ACSM3: variants seen among roughly 807,000 people sequenced by gnomAD.
The protein encoded by ACSM3 is acyl-CoA synthetase medium chain family member 3.
In ACSM3, 61 loss-of-function variants were observed where a neutral mutation model predicts 74.1. The observed-to-expected ratio is 0.82, with a 90% CI of 0.67 to 1.02. ACSM3 has a LOEUF of 1.02. Among genes scored for constraint, ACSM3 ranks in the 50% least tolerant of loss-of-function variants. The probability of loss-of-function intolerance (pLI) is 0.00; values close to 1 mark genes in which losing one functional copy is unlikely to be tolerated. For synonymous variants in ACSM3, 213 were observed against 241.5 expected, an observed-to-expected ratio of 0.88 and a Z score of 1.09; for missense variants, 660 against 697.0, an observed-to-expected ratio of 0.95 and a Z score of 0.60.
At chr16:20,681,940 T>A in intron 1 of ACSM3, 1 of 245,744 alleles carries the variant, frequency 4.1e-6, no homozygotes, top group Non-Finnish European at 8.1e-6. Flanking sequence ...ACTAGACAGA[T>A]AAACTCAAGT....
chr16:20,741,486 C>T (rs200623811), intron 1 of ACSM3: 4 of 187,728 alleles, frequency 2.1e-5, no homozygotes, highest in Non-Finnish European at 3.4e-5. Flanking sequence ...AGCCGGCCCG[C>T]CCGCCCACCC....
chr16:20,746,959 A>G (rs1049094395), intron 1 of ACSM3, among the ~76,000 whole-genome samples: 1 of 152,190 alleles, frequency 6.6e-6, no homozygotes, highest in African/African-American at 2.4e-5. Context: ...TACTCTAAAC[A>G]TACAAGTCTT....
chr16:20,761,134 G>A (rs757973859), upstream of ACSM3, among the ~76,000 whole-genome samples: 23 of 150,910 alleles, frequency 1.5e-4, no homozygotes, highest in Non-Finnish European at 2.9e-4. Flanking sequence ...TCACTCTGTC[G>A]CCCAGGCTGG....
intron 1 of ACSM3, among the ~76,000 whole-genome samples, chr16:20,684,985 G>T (rs2079519764): frequency 6.6e-6 from 1 of 152,130 alleles, no homozygotes; most frequent in Non-Finnish European, 1.5e-5. Context: ...AAGAAAGGAG[G>T]TACAGAGAAG....
intron 1 of ACSM3, chr16:20,682,050 G>A: frequency 1.9e-6 from 1 of 532,166 alleles, no homozygotes. Context: ...GCTTCCCCCT[G>A]CACAGATCTC....
intron 12 of ACSM3, 85 bp from the exon 13 acceptor site, chr16:20,796,285 T>C: frequency 6.5e-7 from 1 of 1,548,396 alleles, no homozygotes; most frequent in South Asian, 1.2e-5. Flanking sequence ...ACCAGGCATG[T>C]AGATTCTCAG....
intron 1 of ACSM3, chr16:20,741,443 C>T (rs1034359309): frequency 1.2e-5 from 18 of 1,465,746 alleles, no homozygotes; most frequent in Admixed American, 2.5e-5. Flanking sequence ...AGCAGCCATC[C>T]CTCCACCCTT....
intron 1 of ACSM3, among the ~76,000 whole-genome samples, chr16:20,764,344 A>G (rs936523732): frequency 1.3e-5 from 2 of 152,236 alleles, no homozygotes; most frequent in Admixed American, 6.5e-5. Flanking sequence ...GTAGCAGCTG[A>G]GTTTTCATGT....
chr16:20,710,273 T>C (rs1774589745), intron 1 of ACSM3, among the ~76,000 whole-genome samples: 1 of 152,118 alleles, frequency 6.6e-6, no homozygotes, highest in Admixed American at 6.5e-5. Flanking sequence ...ATTCCACCAA[T>C]GGGCACAACC....
At chr16:20,782,496 C>T (rs544979532) in intron 7 of ACSM3, among the ~76,000 whole-genome samples, 16 of 152,310 alleles carry the variant, frequency 1.1e-4, no homozygotes, top group African/African-American at 3.8e-4. Flanking sequence ...ACTATATTCA[C>T]AACACTCAAT....
chr16:20,762,536 A>G (rs570408366), upstream of ACSM3, among the ~76,000 whole-genome samples: 2 of 152,220 alleles, frequency 1.3e-5, no homozygotes, highest in Non-Finnish European at 2.9e-5. Context: ...AGACATAACT[A>G]TAGAATTCAG....
chr16:20,792,963 G>A (rs185718420), intron 12 of ACSM3, among the ~76,000 whole-genome samples: 445 of 152,300 alleles, frequency 2.9e-3, no homozygotes, highest in Admixed American at 4.9e-3. Context: ...TTCTCTAGCT[G>A]AGTTACAAGT....
chr16:20,728,930 G>A (rs1194706485), intron 1 of ACSM3, among the ~76,000 whole-genome samples: 1 of 152,016 alleles, frequency 6.6e-6, no homozygotes, highest in Non-Finnish European at 1.5e-5. Context: ...AACATAGTGA[G>A]ACCCCGTCTC....
Position 20,780,903 on chromosome 16 carries a change from A to T in ACSM3, c.782+46A>T, listed in dbSNP as rs770930975. 2.5e-6 allele frequency: 4 copies of T among 1,613,584 alleles called. No homozygotes were observed. In the Admixed American group the frequency reaches 6.7e-5, roughly 27 times the overall value. The stretch of plus-strand genomic sequence containing the variant: ...AGCTTGAAGTGTCAAAACTGCAAAG[A>T]TGATGACTTATGTACTGGTCTTTTA... On this transcript the variant is annotated intron_variant, in intron 5 of 13. Transcript: ENST00000289416.
In ACSM3 at chr16:20,755,627, T is replaced by TTTATTATTATTATTATTA. The variant is rs71149182; in HGVS notation, c.-52+19_-52+36dup. 7.0e-3 allele frequency: 1,018 copies of TTTATTATTATTATTATTA among 146,110 alleles called. 13 individuals carry two copies. Among genetic ancestry groups the TTTATTATTATTATTATTA allele is most frequent in the African/African-American group, 0.024 (962 of 39,720 alleles). 9.1% of individuals were successfully genotyped at this position (146,110 alleles called of 1,614,324 possible). A position where few individuals can be genotyped will look rare whatever the true frequency, so the allele number is the denominator to read the frequency against. On this transcript the variant is annotated intron_variant, in intron 3 of 3. Coordinates refer to the ACSM3 transcript ENST00000561584. ...GGAATTTCTGAAGTGGTAAGTGCTT[T>TTTATTATTATTATTATTA]TTATTATTATTATTATTATTATTAT...
At chr16:20,750,497 A>C (rs2079981429) in intron 2 of ACSM3, among the ~76,000 whole-genome samples, 1 of 152,132 alleles carries the variant, frequency 6.6e-6, no homozygotes, top group Non-Finnish European at 1.5e-5. Flanking sequence ...CTTGTCAGCT[A>C]TCTGATTTCA....
chr16:20,695,850 T>C (rs931145527), intron 1 of ACSM3, among the ~76,000 whole-genome samples: 2 of 152,198 alleles, frequency 1.3e-5, no homozygotes, highest in Non-Finnish European at 2.9e-5. Flanking sequence ...TATTTACATT[T>C]ATACCTATAT....
intron 1 of ACSM3, chr16:20,727,397 G>A (rs1332089515): frequency 1.8e-5 from 10 of 565,550 alleles, no homozygotes; most frequent in Admixed American, 4.0e-5. Context: ...CCCTCACCCC[G>A]GAGGTGCTGG....
At chr16:20,748,142 AATAAATAAATAAATAAATAGATAG>A (rs2079965798) in intron 1 of ACSM3, among the ~76,000 whole-genome samples, 1 of 25,468 alleles carries the variant, frequency 3.9e-5, no homozygotes, top group Non-Finnish European at 1.8e-4. Flanking sequence ...TGTCTCAAAA[AATAAATAAATAAATAAATAGATAG>A]ATAAATAAAT....
Sources: allele counts gnomAD v4.1 joint callset (sites outside exome capture counted in the v4.1 genomes callset), GRCh38; gene constraint gnomAD v4.1.1; transcripts MANE v1.5; gene names NCBI Gene and HGNC (gene_info 2026-07-23, HGNC 2026-07-21).